The following ATAD2B variants were observed in gnomAD, a reference collection of about 807,000 sequenced individuals.
ATAD2B encodes ATPase family AAA domain-containing protein 2B.
ATAD2B carries 40 observed loss-of-function variants against 167.6 expected under a neutral mutation model. The observed-to-expected ratio is 0.24, with a 90% CI of 0.19 to 0.31. ATAD2B has a LOEUF of 0.31. Ranked by LOEUF, ATAD2B falls within the 10% of genes least tolerant of loss-of-function variation. The pLI is 1.00. For missense variants in ATAD2B, 1,242 were observed against 1,757.2 expected (o/e 0.71, Z 5.24); for synonymous variants, 579 against 596.5 (o/e 0.97, Z 0.43).
chr2:23,808,105 G>GTAATTATATATATAATTATATATA (rs1558569959), intron 18 of ATAD2B, among the ~76,000 whole-genome samples: 3 of 121,838 alleles, frequency 2.5e-5, no homozygotes, highest in African/African-American at 3.3e-5. Flanking sequence ...ATATATATAA[G>GTAATTATATATATAATTATATATA]TAATTATATA....
intron 15 of ATAD2B, among the ~76,000 whole-genome samples, chr2:23,827,580 C>T (rs770918450): frequency 7.2e-5 from 11 of 152,170 alleles, no homozygotes; most frequent in Non-Finnish European, 1.5e-4. Flanking sequence ...CCAGTCCGAT[C>T]TGAACTCTAG....
chr2:23,833,002 G>A (rs1265437377), intron 14 of ATAD2B, among the ~76,000 whole-genome samples: 2 of 152,182 alleles, frequency 1.3e-5, no homozygotes, highest in Non-Finnish European at 2.9e-5. Flanking sequence ...AAATAATGCT[G>A]TATATGCTAT....
chr2:23,786,334 G>T, intron 20 of ATAD2B, 111 bp from the exon 21 acceptor site: 1 of 913,210 alleles, frequency 1.1e-6, no homozygotes, highest in Non-Finnish European at 1.6e-6. Context: ...ACAGTCATGT[G>T]TTGCTTAACA....
At chr2:23,792,085 C>CTTTTT (rs1681830701) in intron 19 of ATAD2B, among the ~76,000 whole-genome samples, 1 of 147,852 alleles carries the variant, frequency 6.8e-6, no homozygotes. Context: ...TTTTTTGAGA[C>CTTTTT]GGAGTCTTGC....
chr2:23,843,031 C>T (rs1691170831), intron 13 of ATAD2B, among the ~76,000 whole-genome samples: 1 of 152,126 alleles, frequency 6.6e-6, no homozygotes, highest in Admixed American at 6.5e-5. Context: ...CCAAGTGGGT[C>T]TAACATGAGA....
chr2:23,685,251 T>TC, the ATAD2B span: 66 of 151,770 alleles, frequency 4.3e-4, 1 homozygote, highest in African/African-American at 1.5e-3. Context: ...CTTTTTTTTT[T>TC]TCCTCCATTA....
the ATAD2B span, among the ~76,000 whole-genome samples, chr2:23,682,184 C>T: frequency 2.6e-5 from 4 of 152,324 alleles, no homozygotes; most frequent in Admixed American, 6.5e-5. The surrounding 1 kb of genome is among the most constrained non-coding windows in gnomAD (Gnocchi z 4.1). Flanking sequence ...CCTGCTGTTG[C>T]TGTGTAATTC....
At chr2:23,712,660 G>T in the ATAD2B span, among the ~76,000 whole-genome samples, 1 of 152,116 alleles carries the variant, frequency 6.6e-6, no homozygotes, top group Non-Finnish European at 1.5e-5. Context: ...CTGGGTCAAG[G>T]AGCTGAATAA....
chr2:23,881,562 C>T (rs1697906884), intron 6 of ATAD2B, among the ~76,000 whole-genome samples: 1 of 151,492 alleles, frequency 6.6e-6, no homozygotes, highest in African/African-American at 2.4e-5. Flanking sequence ...GGGGTTTCAC[C>T]ATATTGGCCA....
chr2:23,678,492 A>G, the ATAD2B span, among the ~76,000 whole-genome samples: 2 of 152,192 alleles, frequency 1.3e-5, no homozygotes, highest in Non-Finnish European at 2.9e-5. Flanking sequence ...CACGTGGAGC[A>G]GAAATGAGTT....
chr2:23,807,970 TATAA>T (rs1347690525), intron 18 of ATAD2B, among the ~76,000 whole-genome samples: 180 of 118,500 alleles, frequency 1.5e-3, no homozygotes, highest in South Asian at 3.3e-3. Context: ...ATATATATAT[TATAA>T]ATATATTTAT....
chr2:23,906,139 C>G (rs1467090734), intron 1 of ATAD2B, among the ~76,000 whole-genome samples: 1 of 152,016 alleles, frequency 6.6e-6, no homozygotes, highest in Admixed American at 6.6e-5. Context: ...GAGTTCAAGA[C>G]TAGCCTCGCC....
intron 19 of ATAD2B, among the ~76,000 whole-genome samples, chr2:23,789,247 C>G (rs533518752): frequency 1.3e-5 from 2 of 152,286 alleles, no homozygotes; most frequent in East Asian, 3.9e-4. Flanking sequence ...CTCACCTCTT[C>G]TGTTTACCTA....
At chr2:23,867,748 T>C (rs1695353170) in intron 10 of ATAD2B, 87 bp downstream of exon 10, 1 of 917,622 alleles carries the variant, frequency 1.1e-6, no homozygotes, top group South Asian at 1.5e-5. Flanking sequence ...TATCCGAATT[T>C]TCTAGTTCTA....
At chr2:23,723,021 G>A in the ATAD2B span, among the ~76,000 whole-genome samples, 1 of 152,206 alleles carries the variant, frequency 6.6e-6, no homozygotes, top group Non-Finnish European at 1.5e-5. Flanking sequence ...GCCAGGTACA[G>A]TGGCTCACAT....
At chr2:23,700,571 G>A in the ATAD2B span, among the ~76,000 whole-genome samples, 10 of 152,222 alleles carry the variant, frequency 6.6e-5, no homozygotes, top group African/African-American at 2.2e-4. The surrounding 1 kb of genome is among the most constrained non-coding windows in gnomAD (Gnocchi z 4.6). Context: ...ACCAGCAAAC[G>A]CTACAAACCA....
chr2:23,693,148 C>A, the ATAD2B span: 1 of 1,136,542 alleles, frequency 8.8e-7, no homozygotes, highest in Non-Finnish European at 1.2e-6. Flanking sequence ...GGACTCTGGA[C>A]ACTGCAGTCA....
At chr2:23,758,729 A>G (rs141567534) in intron 24 of ATAD2B, among the ~76,000 whole-genome samples, 1 of 152,344 alleles carries the variant, frequency 6.6e-6, no homozygotes, top group African/African-American at 2.4e-5. Flanking sequence ...CAGTTCACCC[A>G]GCAGCATCAA....
At chr2:23,852,478 T>C (rs988304857) in intron 13 of ATAD2B, among the ~76,000 whole-genome samples, 1 of 152,188 alleles carries the variant, frequency 6.6e-6, no homozygotes, top group Non-Finnish European at 1.5e-5. Flanking sequence ...CAGATGCAGA[T>C]ATTTTAAGAG....
Sources: allele counts gnomAD v4.1 joint callset (sites outside exome capture counted in the v4.1 genomes callset), GRCh38; gene constraint gnomAD v4.1.1; non-coding constraint Gnocchi (gnomAD v3.1); transcripts MANE v1.5; gene names NCBI Gene and HGNC (gene_info 2026-07-23, HGNC 2026-07-21).